The following ZSCAN25 variants were observed in gnomAD, a reference collection of about 807,000 sequenced individuals.
ZSCAN25 encodes the protein zinc finger and SCAN domain-containing protein 25.
ZSCAN25 carries 27 observed loss-of-function variants against 38.7 expected under a neutral mutation model. The ratio of observed to expected loss-of-function variants is 0.70; its 90% CI spans 0.51 to 0.96. ZSCAN25 has a LOEUF of 0.96. ZSCAN25 is among the 40% of genes least tolerant of loss of function. ZSCAN25 has a pLI of 0.00. For synonymous variants in ZSCAN25, 273 were observed against 277.7 expected (o/e 0.98, Z 0.17); for missense variants, 637 against 705.9 (o/e 0.90, Z 1.11).
At position 99,629,823 on chromosome 7, in the gene ZSCAN25, C is replaced by T; in HGVS notation, c.1438C>T (p.His480Tyr). The T allele has an allele frequency of 6.2e-7, 1 of 1,614,212 alleles. No individual in the cohort carries two copies. Among genetic ancestry groups the T allele is most frequent in the Non-Finnish European group, 8.5e-7 (1 of 1,180,024 alleles). Reference protein sequence around the residue: ...NANLAVHRRAHTGEKPYGCQV... With the variant: ...NANLAVHRRAYTGEKPYGCQV... ...CAATCTGGCGGTGCACCGGCGTGCC[C>T]ACACTGGCGAGAAGCCATATGGGTG... Residue 480 changes from histidine (H) to tyrosine (Y), a missense_variant, in exon 8 of 8, where the codon CAC becomes TAC. Coordinates refer to ENST00000394152, the MANE Select transcript of ZSCAN25 (RefSeq NM_145115.3). The surrounding 1 kb of genome is among the most constrained non-coding windows in gnomAD (Gnocchi z 5.6).
chr7:99,641,827 T>C, the ZSCAN25 span, among the ~76,000 whole-genome samples: 1 of 152,206 alleles, frequency 6.6e-6, no homozygotes, highest in Non-Finnish European at 1.5e-5. Context: ...TCAGGTCCAA[T>C]CCACCATCTT....
Position 99,632,185 on chromosome 7 carries a change from A to G in ZSCAN25, c.*2165A>G, listed in dbSNP as rs1475107420. Reference sequence around the variant, plus strand: ...CCTCTTCCCTATCTCCTGTGGGGCCAAGAGCTTAGGACAGTGTCTCAGAAA... The same window carrying G: ...CCTCTTCCCTATCTCCTGTGGGGCCGAGAGCTTAGGACAGTGTCTCAGAAA... On this transcript the variant is annotated 3_prime_UTR_variant, in exon 8 of 8. Transcript: ENST00000394152. 21 of 985,338 alleles carry G rather than the reference A, an allele frequency of 2.1e-5. No individual in the cohort carries two copies. Among genetic ancestry groups the G allele is most frequent in the Non-Finnish European group, 2.5e-5 (21 of 829,950 alleles). The allele number at this position is 985,338 out of a possible 1,614,324, so 61.0% of individuals were successfully genotyped here. A position where few individuals can be genotyped will look rare whatever the true frequency, so the allele number is the denominator to read the frequency against.
At chr7:99,699,966 A>T in the ZSCAN25 span, 1 of 1,605,224 alleles carries the variant, frequency 6.2e-7, no homozygotes, top group East Asian at 2.2e-5. Context: ...TTACTGACAG[A>T]TAGAGGAGCA....
At chr7:99,723,295 C>G in the ZSCAN25 span, among the ~76,000 whole-genome samples, 51 of 152,224 alleles carry the variant, frequency 3.4e-4, no homozygotes, top group East Asian at 6.4e-3. Context: ...CTGCCCTGCC[C>G]CAACTGATCG....
the ZSCAN25 span, chr7:99,679,870 C>T: frequency 6.2e-7 from 1 of 1,614,110 alleles, no homozygotes; most frequent in South Asian, 1.1e-5. Context: ...GCCAGGTTTC[C>T]ACCGCCAAAT....
chr7:99,721,736 A>G, the ZSCAN25 span, among the ~76,000 whole-genome samples: 1 of 143,988 alleles, frequency 6.9e-6, no homozygotes, highest in East Asian at 2.1e-4. Context: ...AACCAAAATT[A>G]TGACACGTGT....
the ZSCAN25 span, among the ~76,000 whole-genome samples, chr7:99,719,850 T>C: frequency 6.6e-6 from 1 of 152,092 alleles, no homozygotes; most frequent in East Asian, 1.9e-4. Context: ...ATACAAAAAT[T>C]AGTAGGGCGT....
chr7:99,638,433 A>C, the ZSCAN25 span: 1 of 1,570,740 alleles, frequency 6.4e-7, no homozygotes, highest in South Asian at 1.1e-5. Flanking sequence ...GGCATCCCTC[A>C]TCTCCCGGTC....
At chr7:99,650,838 C>T in the ZSCAN25 span, among the ~76,000 whole-genome samples, 1 of 152,132 alleles carries the variant, frequency 6.6e-6, no homozygotes, top group African/African-American at 2.4e-5. Flanking sequence ...GTTTAAGTCA[C>T]ATAAGTTACA....
the ZSCAN25 span, among the ~76,000 whole-genome samples, chr7:99,710,384 G>A: frequency 1.3e-5 from 2 of 152,202 alleles, no homozygotes. Flanking sequence ...ATCACAGCCA[G>A]ACCAGAGCAA....
At chr7:99,663,515 T>TA in the ZSCAN25 span, 1 of 991,330 alleles carries the variant, frequency 1.0e-6, no homozygotes, top group Non-Finnish European at 1.2e-6. Flanking sequence ...CACTCACATT[T>TA]ACCACACACT....
chr7:99,731,656 C>A, the ZSCAN25 span, among the ~76,000 whole-genome samples: 1 of 152,196 alleles, frequency 6.6e-6, no homozygotes, highest in African/African-American at 2.4e-5. Context: ...AGAATTTGCT[C>A]AGAGGCTTTT....
At chr7:99,645,994 A>C in the ZSCAN25 span, among the ~76,000 whole-genome samples, 5 of 152,140 alleles carry the variant, frequency 3.3e-5, no homozygotes, top group African/African-American at 1.2e-4. Context: ...TACCAGTACC[A>C]GGCTGTTTTG....
the ZSCAN25 span, chr7:99,720,594 C>A: frequency 1.6e-6 from 1 of 614,194 alleles, no homozygotes. Flanking sequence ...AGGAGCCATC[C>A]AAGTCTTCAT....
At chr7:99,685,525 A>C in the ZSCAN25 span, among the ~76,000 whole-genome samples, 1 of 152,198 alleles carries the variant, frequency 6.6e-6, no homozygotes, top group Non-Finnish European at 1.5e-5. Flanking sequence ...TTGCAGAAAT[A>C]TTTTTGTGTA....
the ZSCAN25 span, among the ~76,000 whole-genome samples, chr7:99,657,128 T>C: frequency 1.3e-5 from 2 of 152,242 alleles, no homozygotes; most frequent in African/African-American, 4.8e-5. Context: ...CTGCTATCTT[T>C]TGAATGTGTT....
the ZSCAN25 span, among the ~76,000 whole-genome samples, chr7:99,732,095 G>A: frequency 6.6e-6 from 1 of 152,118 alleles, no homozygotes; most frequent in African/African-American, 2.4e-5. Flanking sequence ...CTGATAGATG[G>A]TGGTTGTATC....
chr7:99,622,671 G>T, intron 6 of ZSCAN25, 31 bp downstream of exon 6: 2 of 1,601,378 alleles, frequency 1.2e-6, no homozygotes, highest in South Asian at 1.1e-5. Context: ...CAGAAATCAT[G>T]ACCGTTGCTT....
the ZSCAN25 span, among the ~76,000 whole-genome samples, chr7:99,736,304 G>A: frequency 6.6e-6 from 1 of 152,184 alleles, no homozygotes; most frequent in Non-Finnish European, 1.5e-5. Flanking sequence ...GTCACTGCAG[G>A]TCACACAGCA....
Sources: allele counts gnomAD v4.1 joint callset (sites outside exome capture counted in the v4.1 genomes callset), GRCh38; gene constraint gnomAD v4.1.1; non-coding constraint Gnocchi (gnomAD v3.1); transcripts MANE v1.5; gene names NCBI Gene and HGNC (gene_info 2026-07-23, HGNC 2026-07-21).